CR2: variants seen among roughly 807,000 people sequenced by gnomAD.
The protein encoded by CR2 is complement C3d receptor 2.
A neutral mutation model predicts 123.0 loss-of-function variants in CR2; 96 were observed. The ratio of observed to expected loss-of-function variants is 0.78; its 90% CI spans 0.66 to 0.93. The LOEUF (loss-of-function observed/expected upper bound fraction) is 0.93. CR2 is among the 40% of genes least tolerant of loss of function. CR2 has a pLI of 0.00. For missense variants in CR2, 1,258 were observed against 1,361.0 expected, an observed-to-expected ratio of 0.92 and a Z score of 1.19; for synonymous variants, 484 against 469.5, an observed-to-expected ratio of 1.03 and a Z score of -0.40.
At chr1:207,479,359 A>G in intron 17 of CR2, 79 bp downstream of exon 17, 1 of 955,672 alleles carries the variant, frequency 1.0e-6, no homozygotes. Context: ...CCTATATCCT[A>G]TCTGATGATA....
rs761201979 is a variant in CR2 at position 207,473,668 on chromosome 1, C to T, written c.2102C>T (p.Ser701Phe). 1 of 1,613,990 alleles carries T rather than the reference C, an allele frequency of 6.2e-7. No individual in the cohort carries two copies. Among genetic ancestry groups the T allele is most frequent in the South Asian group, 1.1e-5 (1 of 91,080 alleles). Residue 701 changes from serine to phenylalanine, a missense_variant, in exon 11 of 20, where the codon TCC (serine) becomes TTC (phenylalanine). Coordinates refer to ENST00000367057, the MANE Select transcript of CR2 (RefSeq NM_001006658.3). Reference protein sequence around the residue: ...DPGYLLVGNKSIHCMPSGNWS... With the variant: ...DPGYLLVGNKFIHCMPSGNWS... ...GGCTATTTGCTTGTGGGAAACAAAT[C>T]CATTCACTGTATGCCTTCAGGAAAT... is the stretch of plus-strand genomic sequence containing the variant.
chr1:207,480,870 A>G (rs1243700186), intron 18 of CR2, among the ~76,000 whole-genome samples: 1 of 151,876 alleles, frequency 6.6e-6, no homozygotes, highest in Admixed American at 6.6e-5. Context: ...TTTCCTCTCT[A>G]TTCTCTTCTG....
In CR2 at chr1:207,470,931, A is replaced by G. The variant is rs1380966961; in HGVS notation, c.1402+15A>G. ...CCAATGCAAAGGTGCCAGGCCTCAA[A>G]TGTAGACATTTTGTTAACTTTAAGA... is the stretch of plus-strand genomic sequence containing the variant. On this transcript the variant is annotated intron_variant, in intron 7 of 19. Coordinates refer to ENST00000367057, the MANE Select transcript of CR2 (RefSeq NM_001006658.3). The G allele has an allele frequency of 1.2e-6, 2 of 1,613,678 alleles. No individual in the cohort carries two copies. Among genetic ancestry groups the G allele is most frequent in the African/African-American group, 1.3e-5 (1 of 74,878 alleles).
intron 1 of CR2, among the ~76,000 whole-genome samples, chr1:207,459,290 C>T (rs1377659036): frequency 1.3e-5 from 2 of 150,954 alleles, no homozygotes; most frequent in South Asian, 2.1e-4. Context: ...TTTTCATGGC[C>T]TTCCCTGGCT....
At chr1:207,476,142 T>G (rs1208796046) in intron 14 of CR2, 92 bp from the exon 15 acceptor site, 1 of 1,254,798 alleles carries the variant, frequency 8.0e-7, no homozygotes, top group African/African-American at 1.5e-5. Context: ...GCTTGTTGCT[T>G]CTGGCCTTCC....
chr1:207,455,654 A>C (rs1268780601), intron 1 of CR2, among the ~76,000 whole-genome samples: 1 of 152,152 alleles, frequency 6.6e-6, no homozygotes, highest in Non-Finnish European at 1.5e-5. Flanking sequence ...CATTATCTTC[A>C]TCTCTTTTCT....
At chr1:207,463,647 TTTTTA>T (rs1367557627) in intron 1 of CR2, among the ~76,000 whole-genome samples, 2 of 152,124 alleles carry the variant, frequency 1.3e-5, no homozygotes, top group Non-Finnish European at 2.9e-5. Context: ...TTTATTTTTA[TTTTTA>T]TTTTAAGTTC....
chr1:207,475,299 C>G, intron 14 of CR2, 83 bp downstream of exon 14: 1 of 1,487,996 alleles, frequency 6.7e-7, no homozygotes, highest in Non-Finnish European at 9.2e-7. Context: ...GACATTCTGC[C>G]TAAAGAAAAG....
At position 207,466,921 on chromosome 1, in the gene CR2, G is replaced by C. The variant is rs532787805; in HGVS notation, c.445+9G>C. 1 of 1,573,378 alleles carries C rather than the reference G, an allele frequency of 6.4e-7. No homozygotes were observed. The highest frequency in any genetic ancestry group is 8.6e-7 in the Non-Finnish European group (1 of 1,162,944). The stretch of plus-strand genomic sequence containing the variant: ...ACCAACCTGTGTAAGTGGTGAGTAT[G>C]AAAAGAAAGCTGGGTTGGGAGGTTG... On this transcript the variant is annotated intron_variant, in intron 2 of 19. Transcript: ENST00000367057.
chr1:207,464,384 G>A (rs554521932), intron 1 of CR2, among the ~76,000 whole-genome samples: 1 of 152,290 alleles, frequency 6.6e-6, no homozygotes, highest in African/African-American at 2.4e-5. Context: ...CCTTAAAAAG[G>A]TATTCCTTGT....
chr1:207,486,712 GT>G (rs1558199844), intron 19 of CR2, among the ~76,000 whole-genome samples: 1 of 152,220 alleles, frequency 6.6e-6, no homozygotes, highest in Non-Finnish European at 1.5e-5. Context: ...TTTTAAGACA[GT>G]GACAGTAGGA....
At chr1:207,488,243 T>C (rs1658800837) in intron 19 of CR2, among the ~76,000 whole-genome samples, 1 of 152,192 alleles carries the variant, frequency 6.6e-6, no homozygotes, top group African/African-American at 2.4e-5. Flanking sequence ...CAAGAAAACC[T>C]TGGGCAAGGT....
intron 15 of CR2, among the ~76,000 whole-genome samples, chr1:207,477,271 C>T (rs536801697): frequency 2.6e-5 from 4 of 152,258 alleles, no homozygotes; most frequent in South Asian, 2.1e-4. Flanking sequence ...GGCAAGAGAG[C>T]GTGTGCAGGA....
Position 207,454,441 on chromosome 1 carries a change from G to A in CR2, c.23G>A (p.Gly8Glu), listed in dbSNP as rs372364271. MGAAGLL[G>E]VFLALVAPGV... is the part of the protein sequence containing the mutation. ...GGCATGGGCGCCGCGGGCCTGCTCGGGGTTTTCTTGGCTCTCGTCGCACCG... is the reference window on the plus strand; with the variant it reads ...GGCATGGGCGCCGCGGGCCTGCTCGAGGTTTTCTTGGCTCTCGTCGCACCG... The change falls in exon 1 of 20, where the codon GGG becomes GAG. Residue 8 changes from glycine to glutamate, a missense_variant. Coordinates refer to ENST00000367057, the MANE Select transcript of CR2 (RefSeq NM_001006658.3). The surrounding 1 kb of genome is among the most constrained non-coding windows in gnomAD (Gnocchi z 4.3). 1 of 1,585,024 alleles carries A rather than the reference G, an allele frequency of 6.3e-7. No homozygotes were observed. The highest frequency in any genetic ancestry group is 8.5e-7 in the Non-Finnish European group (1 of 1,172,140).
At chr1:207,478,204 C>A in intron 16 of CR2, 134 bp downstream of exon 16, 1 of 986,714 alleles carries the variant, frequency 1.0e-6, no homozygotes, top group Non-Finnish European at 1.5e-6. Flanking sequence ...TACAGAGGAA[C>A]TTGAAGTCAG....
chr1:207,478,525 C>CAAAAAAAAAAAAAAAAA (rs36116544), intron 16 of CR2, among the ~76,000 whole-genome samples: 1 of 58,738 alleles, frequency 1.7e-5, no homozygotes, highest in African/African-American at 5.9e-5. Context: ...AAGACCCTAT[C>CAAAAAAAAAAAAAAAAA]AAAAAAAAAA....
At chr1:207,478,915 T>A (rs910258501) in intron 16 of CR2, among the ~76,000 whole-genome samples, 2 of 152,150 alleles carry the variant, frequency 1.3e-5, no homozygotes, top group Non-Finnish European at 2.9e-5. Context: ...AGTTGCTACA[T>A]AAGAAACAAG....
In CR2 at chr1:207,469,981, A is replaced by T. The variant is rs1572954261; in HGVS notation, c.1104A>T (p.Arg368=). 1.2e-6 allele frequency: 2 copies of T among 1,613,998 alleles called. No individual in the cohort carries two copies. Among genetic ancestry groups the T allele is most frequent in the South Asian group, 1.1e-5 (1 of 91,086 alleles). Residue 368 remains arginine (R), a synonymous_variant, in exon 6 of 20, where the codon CGA becomes CGT. Transcript: ENST00000367057. Reference sequence around the variant, plus strand: ...GAATGGTATCTGGGCAGAAAGATCGATATACCTATAACGACACTGTGATAT... The same window carrying T: ...GAATGGTATCTGGGCAGAAAGATCGTTATACCTATAACGACACTGTGATAT... ...RGRMVSGQKD[R]YTYNDTVIFA... is the part of the protein sequence containing the mutation.
Position 207,471,004 on chromosome 1 carries a change from G to T in CR2, c.1410G>T (p.Ala470=). The T allele has an allele frequency of 1.9e-6, 3 of 1,613,844 alleles. No individual in the cohort carries two copies. Among genetic ancestry groups the T allele is most frequent in the Non-Finnish European group, 1.7e-6 (2 of 1,179,840 alleles). The part of the protein sequence containing the change: ...TPPVPQCKVA[A]CEATGRQLLT... ...CCTAGTCTCTTTTCTTAGTGGCAGC[G>T]TGTGAAGCTACAGGAAGGCAACTCT... Residue 470 remains alanine (A), a synonymous_variant, in exon 8 of 20, where the codon GCG becomes GCT. Coordinates refer to ENST00000367057, the MANE Select transcript of CR2 (RefSeq NM_001006658.3).
Sources: gnomAD v4.1 joint callset for allele counts (sites outside exome capture counted in the v4.1 genomes callset) on GRCh38, gnomAD v4.1.1 for gene constraint, Gnocchi (gnomAD v3.1) non-coding constraint, MANE v1.5 for transcripts, NCBI Gene and HGNC (gene_info 2026-07-23, HGNC 2026-07-21) for gene names.